CCDC3: variants seen among roughly 807,000 people sequenced by gnomAD.
CCDC3 encodes coiled-coil domain containing 3.
CCDC3 carries 24 observed loss-of-function variants against 21.4 expected under a neutral mutation model. The observed-to-expected ratio is 1.12, with a 90% CI of 0.81 to 1.58. CCDC3 has a LOEUF of 1.58. Among genes scored for constraint, CCDC3 ranks in the 40% most tolerant of loss-of-function variants. The probability of loss-of-function intolerance (pLI) is 0.00; values close to 1 mark genes in which losing one functional copy is unlikely to be tolerated. For synonymous variants in CCDC3, 186 were observed against 166.0 expected (o/e 1.12, Z -0.93); for missense variants, 425 against 360.9 (o/e 1.18, Z -1.44).
At chr10:12,917,243 G>A (rs1482899468) in intron 2 of CCDC3, among the ~76,000 whole-genome samples, 1 of 134,728 alleles carries the variant, frequency 7.4e-6, no homozygotes, top group Non-Finnish European at 1.5e-5. Flanking sequence ...GCCCAGGCCG[G>A]ACTGCAGTGG....
chr10:13,055,601 A>G (rs1836671389), intron 4 of CCDC3, among the ~76,000 whole-genome samples: 1 of 152,204 alleles, frequency 6.6e-6, no homozygotes, highest in Non-Finnish European at 1.5e-5. Flanking sequence ...CTGAGATTAC[A>G]GGCAGAATCC....
At chr10:13,064,019 C>T (rs1273211719) in intron 4 of CCDC3, among the ~76,000 whole-genome samples, 2 of 152,124 alleles carry the variant, frequency 1.3e-5, no homozygotes, top group Admixed American at 1.3e-4. Flanking sequence ...CCTCCGCCTC[C>T]CTGATTCAAG....
At chr10:12,955,715 G>C (rs1485392205) in intron 2 of CCDC3, among the ~76,000 whole-genome samples, 3 of 151,588 alleles carry the variant, frequency 2.0e-5, no homozygotes, top group African/African-American at 7.3e-5. Context: ...ACCATGCCCA[G>C]CTAATTTTTG....
Position 12,998,527 on chromosome 10 carries a change from A to G in CCDC3, c.375-15T>C, listed in dbSNP as rs1173701196. On this transcript the variant is annotated splice_polypyrimidine_tract_variant and intron_variant, in intron 1 of 2. Coordinates refer to ENST00000378825, the MANE Select transcript of CCDC3 (RefSeq NM_031455.4). Reference sequence around the variant, plus strand: ...TTTCATCCATCCTAATGGAGGAAAAAAAGGCAGACATGTAGGCTAGACAGT... The same window carrying G: ...TTTCATCCATCCTAATGGAGGAAAAGAAGGCAGACATGTAGGCTAGACAGT... 6.2e-7 allele frequency: 1 copy of G among 1,612,728 alleles called. No homozygotes were observed. The highest frequency in any genetic ancestry group is 1.7e-5 in the Admixed American group (1 of 59,890).
At chr10:12,943,953 G>A (rs2131240953) in intron 2 of CCDC3, among the ~76,000 whole-genome samples, 1 of 152,006 alleles carries the variant, frequency 6.6e-6, no homozygotes, top group South Asian at 2.1e-4. Context: ...CAATGGGAAG[G>A]GACAGGTTCC....
intron 4 of CCDC3, among the ~76,000 whole-genome samples, chr10:13,062,829 G>A (rs1786612439): frequency 6.6e-6 from 1 of 152,132 alleles, no homozygotes; most frequent in Non-Finnish European, 1.5e-5. Context: ...CTGCTCCTAA[G>A]ATCAGTGCAT....
At chr10:12,945,014 T>C (rs1002389146) in intron 2 of CCDC3, among the ~76,000 whole-genome samples, 8 of 152,152 alleles carry the variant, frequency 5.3e-5, no homozygotes. Context: ...CTAATAAGGA[T>C]AGAGATACAA....
chr10:13,061,666 G>A (rs1836759489), intron 4 of CCDC3, among the ~76,000 whole-genome samples: 1 of 151,976 alleles, frequency 6.6e-6, no homozygotes, highest in African/African-American at 2.4e-5. Flanking sequence ...CAAAAGGAAT[G>A]GGGATGGGGG....
At chr10:12,996,607 A>AT (rs1835765456) in intron 2 of CCDC3, among the ~76,000 whole-genome samples, 1 of 152,158 alleles carries the variant, frequency 6.6e-6, no homozygotes, top group Non-Finnish European at 1.5e-5. Flanking sequence ...AAGTGCTGGG[A>AT]TTACAGACAT....
chr10:12,967,949 T>C (rs1376966473), intron 2 of CCDC3, among the ~76,000 whole-genome samples: 1 of 152,062 alleles, frequency 6.6e-6, no homozygotes, highest in African/African-American at 2.4e-5. Flanking sequence ...GGCGGGCAGA[T>C]CACAAGGTCA....
intron 2 of CCDC3, among the ~76,000 whole-genome samples, chr10:12,901,169 G>C (rs1297896975): frequency 1.3e-5 from 2 of 152,224 alleles, no homozygotes; most frequent in African/African-American, 4.8e-5. Flanking sequence ...CTGGATCACA[G>C]GCTGATGTCT....
chr10:13,059,585 C>A (rs2399914), intron 4 of CCDC3, among the ~76,000 whole-genome samples: 87,856 of 151,958 alleles, frequency 0.58, 26,369 homozygotes, highest in African/African-American at 0.74. Flanking sequence ...TCGTTAACAC[C>A]CAAATTCACA....
chr10:13,049,480 A>G (rs186018814), intron 5 of CCDC3, among the ~76,000 whole-genome samples: 388 of 152,326 alleles, frequency 2.5e-3, no homozygotes, highest in Admixed American at 6.3e-3. Flanking sequence ...GTGACGCTGG[A>G]AAAGTACTAA....
At chr10:13,020,972 G>A (rs896477152) in intron 5 of CCDC3, among the ~76,000 whole-genome samples, 4 of 152,046 alleles carry the variant, frequency 2.6e-5, no homozygotes, top group African/African-American at 2.4e-5. Context: ...CTGAATGAAC[G>A]AATGAATGAA....
chr10:13,076,687 T>A (rs896931009), intron 3 of CCDC3, among the ~76,000 whole-genome samples: 21 of 152,220 alleles, frequency 1.4e-4, no homozygotes, highest in African/African-American at 5.1e-4. Flanking sequence ...CTGGACATGC[T>A]CACAGACATG....
chr10:13,076,646 A>G (rs551068181), intron 3 of CCDC3, among the ~76,000 whole-genome samples: 1 of 152,322 alleles, frequency 6.6e-6, no homozygotes, highest in East Asian at 1.9e-4. Context: ...AGTACATTCT[A>G]TGTCCTTGTA....
intron 2 of CCDC3, among the ~76,000 whole-genome samples, chr10:12,956,717 C>T (rs1835092540): frequency 6.6e-6 from 1 of 152,176 alleles, no homozygotes; most frequent in South Asian, 2.1e-4. Context: ...TAGGTCTCAG[C>T]CTTGGCCTAG....
intron 4 of CCDC3, among the ~76,000 whole-genome samples, chr10:13,059,287 CG>C (rs1296512450): frequency 1.3e-5 from 2 of 152,282 alleles, no homozygotes; most frequent in East Asian, 3.9e-4. Flanking sequence ...CTTTGCGGAG[CG>C]GACCTCTCAT....
intron 2 of CCDC3, among the ~76,000 whole-genome samples, chr10:12,974,438 G>A (rs528135223): frequency 2.2e-4 from 33 of 152,360 alleles, no homozygotes; most frequent in Non-Finnish European, 3.2e-4. Flanking sequence ...ATCTCCAGGA[G>A]CAGAGGATGG....
Sources: gnomAD v4.1 joint callset for allele counts (sites outside exome capture counted in the v4.1 genomes callset) on GRCh38, gnomAD v4.1.1 for gene constraint, MANE v1.5 for transcripts, NCBI Gene and HGNC (gene_info 2026-07-23, HGNC 2026-07-21) for gene names.